Variants in CMIP observed in about 807,000 individuals in gnomAD.
CMIP encodes C-Maf-inducing protein.
Under a neutral mutation model 97.3 loss-of-function variants are expected in CMIP, and 13 were observed. The observed-to-expected ratio is 0.13, with a 90% CI of 0.09 to 0.21. The LOEUF (loss-of-function observed/expected upper bound fraction) is 0.21. Ranked by LOEUF, CMIP falls within the 10% of genes least tolerant of loss-of-function variation. The pLI, the probability that CMIP is intolerant of heterozygous loss-of-function variation, is 1.00. For synonymous variants in CMIP, 538 were observed against 436.3 expected (o/e 1.23, Z -2.91); for missense variants, 847 against 1,024.9 (o/e 0.83, Z 2.37).
intron 1 of CMIP, among the ~76,000 whole-genome samples, chr16:81,473,296 G>A (rs1465995829): frequency 1.3e-5 from 2 of 152,178 alleles, no homozygotes; most frequent in Non-Finnish European, 2.9e-5. Context: ...CCTCATGAGG[G>A]AATGACACAG....
chr16:81,455,685 C>T lies in CMIP; in HGVS notation c.300+10144C>T, dbSNP rs140845276. Reference sequence around the variant, plus strand: ...AGGCCCTAGGATTCCGAGCCCACCCCTGTGGCCTGTGAAGAGTGGTGGTAA... The same window carrying T: ...AGGCCCTAGGATTCCGAGCCCACCCTTGTGGCCTGTGAAGAGTGGTGGTAA... On this transcript the variant is annotated intron_variant, in intron 1 of 20. Transcript: ENST00000537098. 2.5e-3 allele frequency among the ~76,000 whole-genome samples: 385 copies of T among 152,346 alleles called. 5 individuals are homozygous for T. Among genetic ancestry groups the T allele is most frequent in the African/African-American group, 8.6e-3 (356 of 41,580 alleles).
At chr16:81,491,041 G>A (rs954242842) in intron 1 of CMIP, among the ~76,000 whole-genome samples, 1 of 152,170 alleles carries the variant, frequency 6.6e-6, no homozygotes, top group Admixed American at 6.5e-5. Flanking sequence ...TGACTGCATA[G>A]CCTTGGCTCT....
chr16:81,704,690 C>T (rs1907919589), intron 18 of CMIP, among the ~76,000 whole-genome samples: 1 of 106,460 alleles, frequency 9.4e-6, no homozygotes, highest in Non-Finnish European at 1.9e-5. Context: ...CATCCTCCTC[C>T]CTGCCCCCGT....
At chr16:81,530,550 T>G (rs1478320762) in intron 1 of CMIP, among the ~76,000 whole-genome samples, 4 of 152,126 alleles carry the variant, frequency 2.6e-5, no homozygotes, top group African/African-American at 9.7e-5. Flanking sequence ...TTCCTGGCAG[T>G]TCACTCGAGT....
At chr16:81,581,231 G>A (rs1404220636) in intron 1 of CMIP, among the ~76,000 whole-genome samples, 20 of 152,180 alleles carry the variant, frequency 1.3e-4, no homozygotes, top group Admixed American at 1.2e-3. Flanking sequence ...ATAAGCGGCC[G>A]TGAGCATTCT....
At position 81,478,336 on chromosome 16, in the gene CMIP, A is replaced by C. The variant is rs192194911; in HGVS notation, c.300+32795A>C. Among the ~76,000 whole-genome samples, 1,207 of 152,306 alleles carry C rather than the reference A, an allele frequency of 7.9e-3. 11 individuals are homozygous for C. The highest frequency in any genetic ancestry group is 0.013 in the Non-Finnish European group (879 of 68,014). On this transcript the variant is annotated intron_variant, in intron 1 of 20. Transcript: ENST00000537098. ...AGCCGTAGAGTAGAACAGGGAGCCG[A>C]CAGTTCTGCATGGCGCCAGCAGCTC...
At chr16:81,552,833 C>G (rs2090686024) in intron 1 of CMIP, among the ~76,000 whole-genome samples, 1 of 152,200 alleles carries the variant, frequency 6.6e-6, no homozygotes, top group South Asian at 2.1e-4. Context: ...CTCTCTTTCT[C>G]TGGCTTTGTT....
At chr16:81,489,503 G>T (rs1419627162) in intron 1 of CMIP, among the ~76,000 whole-genome samples, 1 of 152,230 alleles carries the variant, frequency 6.6e-6, no homozygotes, top group African/African-American at 2.4e-5. Flanking sequence ...TCCTTTGTGA[G>T]TCCCTCTTTC....
At position 81,699,815 on chromosome 16, in the gene CMIP, C is replaced by T. The variant is rs138860387; in HGVS notation, c.1755+14C>T. On this transcript the variant is annotated intron_variant, in intron 15 of 20. Transcript: ENST00000537098. ...ACCATGGTGGAGGTAAGGAGCTGGT[C>T]GGGGTCCCTGGTGGGGTGGCTGGCT... 2.3e-5 allele frequency: 36 copies of T among 1,574,498 alleles called. No individual in the cohort carries two copies. Among genetic ancestry groups the T allele is most frequent in the East Asian group, 1.8e-4 (8 of 44,416 alleles).
chr16:81,682,292 C>T (rs1168621676), intron 10 of CMIP, among the ~76,000 whole-genome samples: 4 of 152,030 alleles, frequency 2.6e-5, no homozygotes, highest in Non-Finnish European at 5.9e-5. Flanking sequence ...CAGCCAGGCT[C>T]GGTGGCTCAC....
intron 1 of CMIP, among the ~76,000 whole-genome samples, chr16:81,535,732 G>T (rs1199337281): frequency 6.6e-6 from 1 of 152,044 alleles, no homozygotes; most frequent in South Asian, 2.1e-4. Flanking sequence ...TCAGACACTC[G>T]TTTACAGATG....
intron 1 of CMIP, among the ~76,000 whole-genome samples, chr16:81,522,894 T>A: frequency 6.6e-6 from 1 of 152,162 alleles, no homozygotes; most frequent in East Asian, 1.9e-4. Context: ...ACACACATAA[T>A]CATAAACAAT....
chr16:81,553,091 T>C (rs12918427), intron 1 of CMIP, among the ~76,000 whole-genome samples: 152,226 of 152,322 alleles, frequency 1, 76,065 homozygotes, highest in Middle Eastern at 1. Context: ...ACCAGTTGCT[T>C]AGCCACGTGG....
intron 1 of CMIP, among the ~76,000 whole-genome samples, chr16:81,529,855 C>T (rs188125613): frequency 6.6e-6 from 1 of 152,178 alleles, no homozygotes; most frequent in Non-Finnish European, 1.5e-5. Flanking sequence ...CTGCCCACAC[C>T]TTGATTTTAG....
At chr16:81,524,077 T>G (rs2927315) in intron 1 of CMIP, among the ~76,000 whole-genome samples, 1 of 151,922 alleles carries the variant, frequency 6.6e-6, no homozygotes, top group African/African-American at 2.4e-5. Flanking sequence ...GGCCTCTGCC[T>G]CTTTCACGGG....
In CMIP at chr16:81,704,052, T is replaced by C. The variant is rs1475367560; in HGVS notation, c.2058T>C (p.Pro686=). The change falls in exon 18 of 21, where the codon CCT becomes CCC. Residue 686 remains proline (P), a synonymous_variant. Coordinates refer to ENST00000537098, the MANE Select transcript of CMIP (RefSeq NM_198390.3). ...SACAEHLIKL[P]SLKQLNLWST... ...GCGCCGAGCACCTCATCAAACTGCC[T>C]TCGCTCAAGCAGCTGAACCTGTGGT... The C allele has an allele frequency of 6.2e-7, 1 of 1,605,460 alleles. No individual in the cohort carries two copies. The highest frequency in any genetic ancestry group is 1.7e-5 in the Admixed American group (1 of 59,222).
chr16:81,549,013 C>T (rs1033439815), intron 1 of CMIP, among the ~76,000 whole-genome samples: 1 of 152,210 alleles, frequency 6.6e-6, no homozygotes, highest in Admixed American at 6.5e-5. Context: ...GGTTTGAACC[C>T]AGGTCTGTCT....
At chr16:81,708,596 G>A (rs879236695) in intron 20 of CMIP, among the ~76,000 whole-genome samples, 1 of 152,220 alleles carries the variant, frequency 6.6e-6, no homozygotes, top group Admixed American at 6.5e-5. Flanking sequence ...CTGTGGAGGG[G>A]ACTCGAGCAA....
chr16:81,545,759 C>CT (rs1310242393), intron 1 of CMIP, among the ~76,000 whole-genome samples: 1 of 152,232 alleles, frequency 6.6e-6, no homozygotes, highest in African/African-American at 2.4e-5. Context: ...AAACGCCCAG[C>CT]TTACCTGGGC....
Sources: gnomAD v4.1 joint callset for allele counts (sites outside exome capture counted in the v4.1 genomes callset) on GRCh38, gnomAD v4.1.1 for gene constraint, MANE v1.5 for transcripts, NCBI Gene and HGNC (gene_info 2026-07-23, HGNC 2026-07-21) for gene names.